Variants in ASTN2 observed in about 807,000 individuals in gnomAD.
ASTN2 encodes astrotactin 2.
ASTN2 carries 54 observed loss-of-function variants against 139.8 expected under a neutral mutation model. The ratio of observed to expected loss-of-function variants is 0.39; its 90% CI spans 0.31 to 0.48. ASTN2 has a LOEUF of 0.48. Ranked by LOEUF, ASTN2 falls within the 20% of genes least tolerant of loss-of-function variation. ASTN2 has a pLI of 0.95. For missense variants in ASTN2, 1,565 were observed against 1,725.1 expected (o/e 0.91, Z 1.64); for synonymous variants, 756 against 719.5 (o/e 1.05, Z -0.81).
At chr9:116,579,256 A>T (rs1037281950) in intron 19 of ASTN2, among the ~76,000 whole-genome samples, 4 of 152,208 alleles carry the variant, frequency 2.6e-5, no homozygotes, top group Admixed American at 1.3e-4. Context: ...AAATGCAGGA[A>T]GATACGATCC....
At chr9:116,520,335 G>T (rs886902363) in intron 19 of ASTN2, among the ~76,000 whole-genome samples, 1 of 152,088 alleles carries the variant, frequency 6.6e-6, no homozygotes, top group Non-Finnish European at 1.5e-5. Flanking sequence ...GGGATGCAGG[G>T]ATGGTTTAAC....
At chr9:117,282,645 C>T (rs183762241) in intron 2 of ASTN2, among the ~76,000 whole-genome samples, 8 of 134,988 alleles carry the variant, frequency 5.9e-5, no homozygotes, top group Admixed American at 4.1e-4. Context: ...TGTGAGAGAA[C>T]CCACATCTGA....
At chr9:116,593,118 C>T (rs1484425346) in intron 19 of ASTN2, among the ~76,000 whole-genome samples, 1 of 152,124 alleles carries the variant, frequency 6.6e-6, no homozygotes, top group Non-Finnish European at 1.5e-5. Context: ...AAAAGAAAAG[C>T]CTGTCTGTCT....
chr9:116,582,411 C>T (rs950602337), intron 19 of ASTN2: 2 of 152,194 alleles, frequency 1.3e-5, no homozygotes, highest in Admixed American at 1.3e-4. Context: ...TACTGAATGC[C>T]TATTATGTGC....
intron 10 of ASTN2, among the ~76,000 whole-genome samples, chr9:116,895,391 CAGAT>C (rs1186687443): frequency 6.6e-6 from 1 of 152,172 alleles, no homozygotes; most frequent in East Asian, 1.9e-4. Flanking sequence ...CCAAGCATTT[CAGAT>C]AAGGGGATAC....
chr9:116,584,725 C>T (rs1854080334), intron 19 of ASTN2: 1 of 152,152 alleles, frequency 6.6e-6, no homozygotes, highest in South Asian at 2.1e-4. Context: ...AAATAAAAGT[C>T]ATCCAAATTG....
chr9:116,682,641 G>C (rs939660291), intron 16 of ASTN2, among the ~76,000 whole-genome samples: 18 of 152,162 alleles, frequency 1.2e-4, no homozygotes, highest in Admixed American at 8.5e-4. Context: ...GTCCAACAAT[G>C]ATAGACTGGA....
At chr9:116,661,623 G>A (rs7870719) in intron 16 of ASTN2, among the ~76,000 whole-genome samples, 2,811 of 152,236 alleles carry the variant, frequency 0.018, 87 homozygotes, top group African/African-American at 0.064. Context: ...TGATGGAGCA[G>A]GATCTTAAAG....
intron 16 of ASTN2, among the ~76,000 whole-genome samples, chr9:116,717,478 T>C (rs1166440173): frequency 6.6e-6 from 1 of 152,154 alleles, no homozygotes; most frequent in Admixed American, 6.5e-5. Context: ...CCAGTCTCTC[T>C]GCCTTCTGCA....
At position 117,373,176 on chromosome 9, in the gene ASTN2, G is replaced by C. The variant is rs374213998; in HGVS notation, c.442+41321C>G. Among the ~76,000 whole-genome samples the C allele has an allele frequency of 1.8e-4, 27 of 152,242 alleles. No homozygotes were observed. The South Asian group carries it at 2.7e-3, about 15-fold the overall frequency. On this transcript the variant is annotated intron_variant, in intron 1 of 22. Transcript: ENST00000313400. ...TCTAATTTTATGCCCATACTGAAAAGTCAGTGTTAATTATTCCATTTACAG... is the reference window on the plus strand; with the variant it reads ...TCTAATTTTATGCCCATACTGAAAACTCAGTGTTAATTATTCCATTTACAG...
chr9:116,621,938 C>G (rs1856178846), intron 17 of ASTN2, among the ~76,000 whole-genome samples: 1 of 152,192 alleles, frequency 6.6e-6, no homozygotes. Flanking sequence ...ACGCACTGCA[C>G]ATTCTGAATG....
intron 11 of ASTN2, among the ~76,000 whole-genome samples, chr9:116,859,603 G>A (rs1832826027): frequency 6.6e-6 from 1 of 152,208 alleles, no homozygotes; most frequent in Admixed American, 6.5e-5. Flanking sequence ...GTGGAAGACA[G>A]GAATGTTGGA....
intron 20 of ASTN2, among the ~76,000 whole-genome samples, chr9:116,447,570 G>T (rs970597671): frequency 1.8e-4 from 27 of 152,158 alleles, no homozygotes; most frequent in African/African-American, 5.8e-4. Flanking sequence ...AGGGCTAAAG[G>T]CATGGCTTTG....
rs1190044147 is a variant in ASTN2, at chr9:117,273,208, C to G, written c.630+18118G>C. 2.0e-5 allele frequency among the ~76,000 whole-genome samples: 3 copies of G among 152,174 alleles called. No individual in the cohort carries two copies. The East Asian group carries it at 5.8e-4, about 29-fold the overall frequency. ...TAGAAACCCAATAAATCCACCAGAT[C>G]TTGTGAGACTTATTCACTATCATGA... On this transcript the variant is annotated intron_variant, in intron 2 of 22. Coordinates refer to ENST00000313400, the MANE Select transcript of ASTN2 (RefSeq NM_001365068.1).
At chr9:117,077,648 T>C (rs1828315865) in intron 5 of ASTN2, among the ~76,000 whole-genome samples, 1 of 152,114 alleles carries the variant, frequency 6.6e-6, no homozygotes, top group East Asian at 1.9e-4. Context: ...CTTGGGAGGC[T>C]GAGGCAAGAG....
intron 10 of ASTN2, among the ~76,000 whole-genome samples, chr9:116,943,990 G>A (rs12337270): frequency 0.052 from 7,918 of 151,772 alleles, 673 homozygotes; most frequent in African/African-American, 0.17. Context: ...GACGGATATA[G>A]AAACCGACAA....
chr9:116,838,225 C>T (rs62563539), intron 11 of ASTN2, among the ~76,000 whole-genome samples: 35,405 of 150,730 alleles, frequency 0.23, 4,783 homozygotes, highest in East Asian at 0.5. Flanking sequence ...TTCTCCTGCC[C>T]AAGCCTCCTG....
chr9:116,805,922 G>C, intron 12 of ASTN2, 102 bp from the exon 13 acceptor site: 2 of 1,157,654 alleles, frequency 1.7e-6, no homozygotes, highest in Non-Finnish European at 2.5e-6. Flanking sequence ...ACAGGTCAGA[G>C]TTTAGGAAGG....
intron 19 of ASTN2, among the ~76,000 whole-genome samples, chr9:116,530,132 TATATATATATATATATATAAAATAG>T (rs1851273218): frequency 6.8e-5 from 2 of 29,416 alleles, no homozygotes; most frequent in East Asian, 6.2e-4. Flanking sequence ...TATATATATA[TATATATATATATATATATAAAATAG>T]AATATTATTA....
Sources: gnomAD v4.1 joint callset for allele counts (sites outside exome capture counted in the v4.1 genomes callset) on GRCh38, gnomAD v4.1.1 for gene constraint, MANE v1.5 for transcripts, NCBI Gene and HGNC (gene_info 2026-07-23, HGNC 2026-07-21) for gene names.